The following SEMA3A variants were observed in gnomAD, a reference collection of about 807,000 sequenced individuals.
SEMA3A encodes semaphorin-3A.
In SEMA3A, 29 loss-of-function variants were observed where a neutral mutation model predicts 97.9. The ratio of observed to expected loss-of-function variants is 0.30; its 90% CI spans 0.22 to 0.40. The LOEUF is 0.40. Ranked by LOEUF, SEMA3A falls within the 10% of genes least tolerant of loss-of-function variation. SEMA3A has a pLI of 1.00. For missense variants in SEMA3A, 763 were observed against 951.3 expected (o/e 0.80, Z 2.60); for synonymous variants, 321 against 323.7 (o/e 0.99, Z 0.09).
At chr7:84,470,961 G>C (rs1450499993) in intron 1 of SEMA3A, among the ~76,000 whole-genome samples, 1 of 151,992 alleles carries the variant, frequency 6.6e-6, no homozygotes, top group Admixed American at 6.6e-5. Flanking sequence ...GTAAAGATGG[G>C]AACTCTGAGA....
intron 3 of SEMA3A, among the ~76,000 whole-genome samples, chr7:84,125,571 C>A (rs1795766250): frequency 6.6e-6 from 1 of 152,192 alleles, no homozygotes; most frequent in African/African-American, 2.4e-5. Context: ...AGGTGAATCT[C>A]TAAAGTCATG....
chr7:84,234,671 C>T (rs1799193111), intron 3 of SEMA3A, among the ~76,000 whole-genome samples: 1 of 152,010 alleles, frequency 6.6e-6, no homozygotes, highest in Admixed American at 6.6e-5. Context: ...TTGACTTTTT[C>T]TATTCTTATA....
chr7:84,244,336 C>T (rs1396240925), intron 3 of SEMA3A, among the ~76,000 whole-genome samples: 1 of 152,080 alleles, frequency 6.6e-6, no homozygotes. Context: ...CCCTTTACCA[C>T]TATATAATGC....
intron 4 of SEMA3A, among the ~76,000 whole-genome samples, chr7:84,102,666 G>A (rs892805515): frequency 2.9e-5 from 4 of 135,772 alleles, no homozygotes; most frequent in East Asian, 4.9e-4. Flanking sequence ...CTGCAACCTC[G>A]GCCTCCCGGG....
intron 1 of SEMA3A, among the ~76,000 whole-genome samples, chr7:84,487,801 T>A (rs2116446709): frequency 6.6e-6 from 1 of 152,222 alleles, no homozygotes; most frequent in Non-Finnish European, 1.5e-5. Context: ...TTTTTTCTCT[T>A]TAAAAAAAAC....
intron 12 of SEMA3A, among the ~76,000 whole-genome samples, chr7:83,990,605 G>T (rs1789871817): frequency 6.9e-6 from 1 of 145,652 alleles, no homozygotes; most frequent in South Asian, 2.3e-4. Context: ...TTTTTCTCAG[G>T]TTTGTCAAAG....
intron 1 of SEMA3A, among the ~76,000 whole-genome samples, chr7:84,405,155 A>C (rs1804040659): frequency 6.6e-6 from 1 of 152,184 alleles, no homozygotes; most frequent in Non-Finnish European, 1.5e-5. Context: ...AACCCATCTC[A>C]GGTGCAGAGA....
chr7:84,029,730 T>C (rs1245991179), intron 6 of SEMA3A, among the ~76,000 whole-genome samples: 3 of 152,120 alleles, frequency 2.0e-5, no homozygotes, highest in African/African-American at 7.2e-5. Context: ...CTGATATAAT[T>C]TCATTCAGAA....
chr7:84,085,586 G>A (rs1524880), intron 4 of SEMA3A, among the ~76,000 whole-genome samples: 62,780 of 151,708 alleles, frequency 0.41, 14,858 homozygotes, highest in Non-Finnish European at 0.52. Flanking sequence ...TTATTTTTTT[G>A]CAAATAAAAA....
chr7:84,226,343 A>C (rs1584144459), intron 3 of SEMA3A, among the ~76,000 whole-genome samples: 1 of 152,126 alleles, frequency 6.6e-6, no homozygotes, highest in East Asian at 1.9e-4. Context: ...TACAAGTAGA[A>C]CCCATAAAGC....
rs78010109 is a variant in SEMA3A at position 84,118,568 on chromosome 7, T to C, written c.334-7979A>G. Among the ~76,000 whole-genome samples the C allele has an allele frequency of 2.8e-3, 423 of 152,240 alleles. 1 individual carries two copies. The highest frequency in any genetic ancestry group is 9.7e-3 in the African/African-American group (401 of 41,542). ...TCCAGGTCCTCTGGCTTCCACCAAA[T>C]CTCATTTGTTAGTTTCTACAAGACT... On this transcript the variant is annotated intron_variant, in intron 3 of 16. Transcript: ENST00000265362.
intron 5 of SEMA3A, among the ~76,000 whole-genome samples, chr7:84,053,759 T>G (rs1792799766): frequency 6.7e-6 from 1 of 148,396 alleles, no homozygotes; most frequent in Admixed American, 6.8e-5. Context: ...GTCATTATGA[T>G]GTTAGCTGGT....
At chr7:84,268,209 C>G (rs1015724136) in intron 3 of SEMA3A, among the ~76,000 whole-genome samples, 1 of 149,576 alleles carries the variant, frequency 6.7e-6, no homozygotes, top group African/African-American at 2.5e-5. Flanking sequence ...GAAGGGGCAC[C>G]AAACTGAGCA....
At chr7:84,227,148 A>G (rs1799006903) in intron 3 of SEMA3A, among the ~76,000 whole-genome samples, 2 of 151,734 alleles carry the variant, frequency 1.3e-5, no homozygotes, top group Non-Finnish European at 2.9e-5. Flanking sequence ...ATAGATATCT[A>G]TATATCTATC....
chr7:84,227,437 C>T (rs1293040667), intron 3 of SEMA3A, among the ~76,000 whole-genome samples: 1 of 151,854 alleles, frequency 6.6e-6, no homozygotes, highest in Non-Finnish European at 1.5e-5. Flanking sequence ...AAGTGTGTCT[C>T]GTGTGACAGT....
intron 6 of SEMA3A, among the ~76,000 whole-genome samples, chr7:84,029,614 CCAT>C (rs1417999013): frequency 1.2e-4 from 19 of 152,198 alleles, no homozygotes; most frequent in African/African-American, 4.1e-4. Flanking sequence ...ATGTATTCAT[CCAT>C]CATCAACTGT....
chr7:84,301,938 C>G (rs1330473500), intron 3 of SEMA3A, among the ~76,000 whole-genome samples: 1 of 152,032 alleles, frequency 6.6e-6, no homozygotes, highest in African/African-American at 2.4e-5. Context: ...CTTTTTCAAA[C>G]TAAATGAAAA....
chr7:84,004,226 C>T (rs981710311), intron 11 of SEMA3A, among the ~76,000 whole-genome samples: 1 of 151,454 alleles, frequency 6.6e-6, no homozygotes, highest in Admixed American at 6.6e-5. Context: ...GATTTGTAAC[C>T]GGGACTTTCA....
chr7:84,209,131 A>G (rs1798564998), intron 3 of SEMA3A, among the ~76,000 whole-genome samples: 1 of 152,202 alleles, frequency 6.6e-6, no homozygotes, highest in African/African-American at 2.4e-5. Flanking sequence ...TCATTTTGTT[A>G]CATATACCTG....
Sources: gnomAD v4.1 joint callset for allele counts (sites outside exome capture counted in the v4.1 genomes callset) on GRCh38, gnomAD v4.1.1 for gene constraint, MANE v1.5 for transcripts, NCBI Gene and HGNC (gene_info 2026-07-23, HGNC 2026-07-21) for gene names.